CX3CR1: variants seen among roughly 807,000 people sequenced by gnomAD.
CX3CR1 encodes the protein C-X3-C motif chemokine receptor 1, also known as CX3C chemokine receptor 1.
For synonymous variants in CX3CR1, 168 were observed against 178.5 expected (o/e 0.94, Z 0.47); for missense variants, 363 against 432.4 (o/e 0.84, Z 1.42).
At chr3:39,266,542 A>G in intron 1 of CX3CR1, 24 bp from the exon 2 acceptor site, 1 of 1,610,806 alleles carries the variant, frequency 6.2e-7, no homozygotes, top group Non-Finnish European at 8.5e-7. Context: ...AAAAACAAGT[A>G]ACTGTGTTAG....
chr3:39,263,936 C>T lies in CX3CR1; in HGVS notation c.*1506G>A, dbSNP rs1042064434. 3 of 152,054 alleles carry T rather than the reference C, an allele frequency of 2.0e-5. No individual in the cohort carries two copies. The highest frequency in any genetic ancestry group is 6.5e-5 in the Admixed American group (1 of 15,282). The allele number at this position is 152,054 out of a possible 1,614,324, so 9.4% of individuals were successfully genotyped here. A position where few individuals can be genotyped will look rare whatever the true frequency, so the allele number is the denominator to read the frequency against. On this transcript the variant is annotated 3_prime_UTR_variant, in exon 2 of 2. Transcript: ENST00000399220. Reference sequence around the variant, plus strand: ...TAGCATTATTACAATTGTTTTCGAGCTTTAAACTTTTAGATTGTTCCAAAC... The same window carrying T: ...TAGCATTATTACAATTGTTTTCGAGTTTTAAACTTTTAGATTGTTCCAAAC...
chr3:39,266,346 G>A lies in CX3CR1; in HGVS notation c.164C>T (p.Ala55Val). Reference sequence around the variant, plus strand: ...CTTGGGCTTCTTGCTGTTGGTGAGGGCAAACACTACCAACAAATTTCCCAC... The same window carrying A: ...CTTGGGCTTCTTGCTGTTGGTGAGGACAAACACTACCAACAAATTTCCCAC... ...GLVGNLLVVF[A>V]LTNSKKPKSV... Residue 55 changes from alanine (A) to valine (V), a missense_variant, in exon 2 of 2, where the codon GCC (alanine) becomes GTC (valine). Coordinates refer to ENST00000399220, the MANE Select transcript of CX3CR1 (RefSeq NM_001337.4). 1 of 1,614,142 alleles carries A rather than the reference G, an allele frequency of 6.2e-7. No homozygotes were observed.
chr3:39,279,256 C>A (rs7622534), intron 1 of CX3CR1, among the ~76,000 whole-genome samples: 3,696 of 151,900 alleles, frequency 0.024, 133 homozygotes, highest in African/African-American at 0.084. Context: ...GAAAAAAAAA[C>A]CCATGAAACT....
chr3:39,265,815 A>C lies in CX3CR1; in HGVS notation c.695T>G (p.Leu232Arg). 1 of 1,614,228 alleles carries C rather than the reference A, an allele frequency of 6.2e-7. No homozygotes were observed. The highest frequency in any genetic ancestry group is 8.5e-7 in the Non-Finnish European group (1 of 1,180,014). ...KNHKKAKAIK[L>R]ILLVVIVFFL... ...AAACACGATGACCACCAGAAGGATC[A>C]GTTTAATGGCTTTGGCTTTCTTGTG... Residue 232 changes from leucine (L) to arginine (R), a missense_variant, in exon 2 of 2, where the codon CTG (leucine) becomes CGG (arginine). By Grantham distance (102) the Leu-to-Arg change is moderately radical. Coordinates refer to ENST00000399220, the MANE Select transcript of CX3CR1 (RefSeq NM_001337.4).
intron 1 of CX3CR1, among the ~76,000 whole-genome samples, chr3:39,272,761 A>C: frequency 6.6e-6 from 1 of 152,326 alleles, no homozygotes; most frequent in South Asian, 2.1e-4. Context: ...ATGAGAGTAG[A>C]GAATTGCTTG....
intron 1 of CX3CR1, among the ~76,000 whole-genome samples, chr3:39,278,194 C>T (rs1027882858): frequency 1.2e-4 from 18 of 152,296 alleles, no homozygotes; most frequent in African/African-American, 4.3e-4. Flanking sequence ...TGGAGACTGG[C>T]ACGTGGCTGA....
chr3:39,284,507 C>G (rs115731129), upstream of CX3CR1, among the ~76,000 whole-genome samples: 2,659 of 152,178 alleles, frequency 0.017, 73 homozygotes, highest in African/African-American at 0.06. Context: ...CTGCTACCTC[C>G]CAGTTTAAAG....
chr3:39,286,231 G>A (rs2040941916), upstream of CX3CR1: 1 of 152,282 alleles, frequency 6.6e-6, no homozygotes, highest in Admixed American at 6.5e-5. Context: ...GTGCAGAGGT[G>A]AGGAACACGT....
Position 39,264,033 on chromosome 3 carries a change from G to A in CX3CR1, c.*1409C>T, listed in dbSNP as rs1178612351. ...AGGTTGGCAGTAGCATGAATGATGGGGTATTTTCCCAGATGGGCAGGGGCT... is the reference window on the plus strand; with the variant it reads ...AGGTTGGCAGTAGCATGAATGATGGAGTATTTTCCCAGATGGGCAGGGGCT... On this transcript the variant is annotated 3_prime_UTR_variant, in exon 2 of 2. Transcript: ENST00000399220. The A allele has an allele frequency of 2.0e-5, 3 of 152,232 alleles. No homozygotes were observed. The highest frequency in any genetic ancestry group is 7.2e-5 in the African/African-American group (3 of 41,448). The allele number at this position is 152,232 out of a possible 1,614,324, so 9.4% of individuals were successfully genotyped here. A position where few individuals can be genotyped will look rare whatever the true frequency, so the allele number is the denominator to read the frequency against.
Position 39,265,903 on chromosome 3 carries a change from G to A in CX3CR1, c.607C>T (p.Pro203Ser). ...TAGCAATAACTCATAATGAGCAGGGGGAGTAGGAAGCCAAGAAAATTTGTT... is the reference window on the plus strand; with the variant it reads ...TAGCAATAACTCATAATGAGCAGGGAGAGTAGGAAGCCAAGAAAATTTGTT... ...VETNFLGFLL[P>S]LLIMSYCYFR... Residue 203 changes from proline to serine, a missense_variant, in exon 2 of 2, where the codon CCC becomes TCC. By Grantham distance (74) the Pro-to-Ser change is moderately conservative. Transcript: ENST00000399220. The A allele has an allele frequency of 6.2e-7, 1 of 1,614,218 alleles. No individual in the cohort carries two copies. The highest frequency in any genetic ancestry group is 8.5e-7 in the Non-Finnish European group (1 of 1,180,036).
In CX3CR1 at chr3:39,268,046, C is replaced by T. The variant is rs574086710; in HGVS notation, c.-9-1528G>A. Among the ~76,000 whole-genome samples the T allele has an allele frequency of 3.9e-5, 6 of 152,304 alleles. No homozygotes were observed. In the East Asian group the frequency reaches 5.8e-4, roughly 15 times the overall value. On this transcript the variant is annotated intron_variant, in intron 1 of 1. Coordinates refer to ENST00000399220, the MANE Select transcript of CX3CR1 (RefSeq NM_001337.4). ...CTTACAGCAAAGCTCACGCTTTAAC[C>T]GAGGGAGTTTCCACGCCCCACTACA... is the stretch of plus-strand genomic sequence containing the variant.
At chr3:39,284,580 G>A (rs1244431912), upstream of CX3CR1, among the ~76,000 whole-genome samples, 1 of 152,236 alleles carries the variant, frequency 6.6e-6, no homozygotes, top group Non-Finnish European at 1.5e-5. Context: ...CAATGGGTGG[G>A]TGTGAGGGAA....
the CX3CR1 span, chr3:39,287,846 T>C: frequency 6.6e-6 from 1 of 152,238 alleles, no homozygotes; most frequent in African/African-American, 2.4e-5. Context: ...AGCTGATGTT[T>C]GTTGAAATCA....
intron 1 of CX3CR1, among the ~76,000 whole-genome samples, chr3:39,274,862 A>C (rs935672193): frequency 1.3e-5 from 2 of 152,012 alleles, no homozygotes; most frequent in Non-Finnish European, 2.9e-5. Flanking sequence ...TTACTTTAGA[A>C]AACTTTTTTT....
chr3:39,281,759 A>C, upstream of CX3CR1: 1 of 1,225,542 alleles, frequency 8.2e-7, no homozygotes, highest in Non-Finnish European at 1.2e-6. Flanking sequence ...CTGTGCTCTC[A>C]CCACTTCCAC....
At chr3:39,281,953 C>G (rs1189403489), upstream of CX3CR1, among the ~76,000 whole-genome samples, 4 of 152,220 alleles carry the variant, frequency 2.6e-5, no homozygotes, top group Admixed American at 2.6e-4. Context: ...TGCCTTGCCC[C>G]CAAGCCCCAC....
upstream of CX3CR1, chr3:39,286,211 T>A (rs774899724): frequency 2.0e-5 from 3 of 152,244 alleles, no homozygotes; most frequent in Non-Finnish European, 4.4e-5. Flanking sequence ...GCCAAGGGGC[T>A]TATAGTACAG....
the CX3CR1 span, among the ~76,000 whole-genome samples, chr3:39,289,599 C>T: frequency 3.3e-5 from 5 of 150,854 alleles, no homozygotes; most frequent in African/African-American, 1.2e-4. Flanking sequence ...TCCTGAATGG[C>T]CTTTTAACTA....
chr3:39,286,754 ACT>A, the CX3CR1 span: 2 of 152,022 alleles, frequency 1.3e-5, no homozygotes, highest in East Asian at 3.9e-4. Flanking sequence ...CTCCTGATAA[ACT>A]CTCTCAGTTG....
Sources: gnomAD v4.1 joint callset for allele counts (sites outside exome capture counted in the v4.1 genomes callset) on GRCh38, gnomAD v4.1.1 for gene constraint, MANE v1.5 for transcripts, NCBI Gene and HGNC (gene_info 2026-07-23, HGNC 2026-07-21) for gene names.